Variants in GSE1 observed in about 807,000 individuals in gnomAD.
GSE1 encodes Gse1 coiled-coil protein, also known as genetic suppressor element 1.
In GSE1, 32 loss-of-function variants were observed where a neutral mutation model predicts 112.6. The ratio of observed to expected loss-of-function variants is 0.28; its 90% CI spans 0.21 to 0.38. The LOEUF is 0.38. Ranked by LOEUF, GSE1 falls within the 10% of genes least tolerant of loss-of-function variation. GSE1 has a pLI of 1.00. For missense variants in GSE1, 2,348 were observed against 1,699.2 expected (o/e 1.38, Z -6.71); for synonymous variants, 1,115 against 735.6 (o/e 1.52, Z -8.35).
chr16:85,308,107 C>A (rs12927290), intron 1 of GSE1, among the ~76,000 whole-genome samples: 5,144 of 152,264 alleles, frequency 0.034, 145 homozygotes, highest in African/African-American at 0.072. Flanking sequence ...TGGTCATGGA[C>A]TTCAGAAGAC....
At chr16:85,665,267 T>C (rs1598687392) in intron 12 of GSE1, 139 bp downstream of exon 12, 1 of 614,338 alleles carries the variant, frequency 1.6e-6, no homozygotes. Context: ...TGTACCAGCG[T>C]ACGATTCTTG....
chr16:85,184,358 G>C (rs1448067515), intron 1 of GSE1, among the ~76,000 whole-genome samples: 2 of 152,126 alleles, frequency 1.3e-5, no homozygotes, highest in Non-Finnish European at 2.9e-5. Flanking sequence ...TCTTGATCTT[G>C]TATTCCCTAG....
chr16:85,541,046 G>A (rs1279731543), intron 2 of GSE1, among the ~76,000 whole-genome samples: 2 of 152,178 alleles, frequency 1.3e-5, no homozygotes, highest in Non-Finnish European at 2.9e-5. Context: ...AGCCTGAGAG[G>A]AGGGTCTGGG....
intron 2 of GSE1, among the ~76,000 whole-genome samples, chr16:85,635,813 A>G (rs548301231): frequency 1.3e-5 from 2 of 152,314 alleles, no homozygotes; most frequent in South Asian, 4.1e-4. Flanking sequence ...CCCCTGGGTA[A>G]CGCTGCAGAG....
At position 85,661,216 on chromosome 16, in the gene GSE1, A is replaced by C. The variant is rs748801336; in HGVS notation, c.1711A>C (p.Ile571Leu). 6.2e-7 allele frequency: 1 copy of C among 1,608,530 alleles called. No homozygotes were observed. Among genetic ancestry groups the C allele is most frequent in the Non-Finnish European group, 8.5e-7 (1 of 1,176,566 alleles). The change falls in exon 9 of 16, where the codon ATT (isoleucine) becomes CTT (leucine). Residue 571 changes from isoleucine to leucine, a missense_variant. Coordinates refer to ENST00000253458, the MANE Select transcript of GSE1 (RefSeq NM_014615.5). ...GCACTTTGGGGGGCCACCACCTCTG[A>C]TTTCGCCCAAGCCCCAGCTCCATGC... ...PQHFGGPPPL[I>L]SPKPQLHAAP... is the part of the protein sequence containing the mutation.
chr16:85,544,126 C>T (rs9934675), intron 2 of GSE1, among the ~76,000 whole-genome samples: 5,481 of 152,242 alleles, frequency 0.036, 318 homozygotes, highest in African/African-American at 0.12. Context: ...TGAGCCACTG[C>T]GCCAGCCTGT....
chr16:85,196,941 A>G (rs1403970704), intron 1 of GSE1, among the ~76,000 whole-genome samples: 2 of 152,148 alleles, frequency 1.3e-5, no homozygotes, highest in African/African-American at 4.8e-5. Flanking sequence ...AGAAGCCTGT[A>G]CTGCGTCAGA....
chr16:85,337,794 C>T (rs1027577250), intron 1 of GSE1, among the ~76,000 whole-genome samples: 38 of 152,242 alleles, frequency 2.5e-4, no homozygotes, highest in Non-Finnish European at 4.7e-4. Flanking sequence ...CCACACCTGG[C>T]GTCTGAAATG....
chr16:85,331,499 GTGTATATA>G lies in GSE1; in HGVS notation c.2284-25952_2284-25945del, dbSNP rs1334128237. 3.2e-3 allele frequency among the ~76,000 whole-genome samples: 422 copies of G among 132,960 alleles called. 16 individuals are homozygous for G. Among genetic ancestry groups the G allele is most frequent in the East Asian group, 6.5e-3 (30 of 4,618 alleles). The allele number at this position is 132,960 out of a possible 152,430, so 87.2% of individuals were successfully genotyped here. On this transcript the variant is annotated intron_variant, in intron 1 of 2. Transcript: ENST00000637419. ...TATATATGTGTATATATGTGTATAT[GTGTATATA>G]TGTATATATGTGTATATATGTGTAT...
At chr16:85,643,145 G>A (rs1278448037) in intron 2 of GSE1, among the ~76,000 whole-genome samples, 1 of 152,182 alleles carries the variant, frequency 6.6e-6, no homozygotes, top group Non-Finnish European at 1.5e-5. Flanking sequence ...CTGCCCGTGG[G>A]CCTCAGCGCT....
intron 1 of GSE1, among the ~76,000 whole-genome samples, chr16:85,598,167 GTT>G (rs973836177): frequency 8.4e-4 from 60 of 71,556 alleles, no homozygotes; most frequent in African/African-American, 3.0e-3. Flanking sequence ...AGGTTTGGTT[GTT>G]TTTTTTTTTT....
At chr16:85,642,897 C>T (rs1259990166) in intron 2 of GSE1, among the ~76,000 whole-genome samples, 1 of 152,144 alleles carries the variant, frequency 6.6e-6, no homozygotes, top group African/African-American at 2.4e-5. Flanking sequence ...GGCTTTGGGG[C>T]CTGACCACGG....
At chr16:85,614,961 A>AAAGGCGGGGGACAAAG (rs1428314850) in intron 1 of GSE1, among the ~76,000 whole-genome samples, 2 of 152,194 alleles carry the variant, frequency 1.3e-5, no homozygotes, top group Admixed American at 1.3e-4. Context: ...GGCAGAGAGA[A>AAAGGCGGGGGACAAAG]GGTCTTGGTG....
chr16:85,557,719 C>T (rs2045306054), intron 1 of GSE1, among the ~76,000 whole-genome samples: 1 of 150,270 alleles, frequency 6.7e-6, no homozygotes, highest in Non-Finnish European at 1.5e-5. Flanking sequence ...CTAACCTGGG[C>T]AAACGTTTTC....
At chr16:85,312,228 C>A (rs1259785326) in intron 1 of GSE1, among the ~76,000 whole-genome samples, 1 of 136,696 alleles carries the variant, frequency 7.3e-6, no homozygotes, top group Non-Finnish European at 1.6e-5. Context: ...ACACACTTAC[C>A]CCCAAACCCT....
chr16:85,608,998 G>A (rs1019952887), upstream of GSE1, among the ~76,000 whole-genome samples: 8 of 152,214 alleles, frequency 5.3e-5, no homozygotes, highest in African/African-American at 1.9e-4. Context: ...CAGAAAGAAC[G>A]TGTCCGGGAT....
intron 1 of GSE1, among the ~76,000 whole-genome samples, chr16:85,237,612 G>A (rs910093283): frequency 1.2e-4 from 18 of 152,116 alleles, no homozygotes; most frequent in Admixed American, 3.9e-4. Flanking sequence ...GCCGAGGCGG[G>A]CAGATCACGC....
intron 1 of GSE1, among the ~76,000 whole-genome samples, chr16:85,275,763 G>C (rs1309994619): frequency 6.6e-6 from 1 of 152,222 alleles, no homozygotes; most frequent in Non-Finnish European, 1.5e-5. Flanking sequence ...GCGAAGGGAT[G>C]AACCGGGGCG....
intron 1 of GSE1, among the ~76,000 whole-genome samples, chr16:85,264,296 T>G (rs1462508858): frequency 6.6e-6 from 1 of 151,916 alleles, no homozygotes; most frequent in Non-Finnish European, 1.5e-5. Flanking sequence ...ATCCCTAGCT[T>G]AATAGCACAA....
Sources: allele counts gnomAD v4.1 joint callset (sites outside exome capture counted in the v4.1 genomes callset), GRCh38; gene constraint gnomAD v4.1.1; transcripts MANE v1.5; gene names NCBI Gene and HGNC (gene_info 2026-07-23, HGNC 2026-07-21).